The following JPH1 variants were observed in gnomAD, a reference collection of about 807,000 sequenced individuals.
JPH1 encodes the protein junctophilin-1.
Under a neutral mutation model 53.6 loss-of-function variants are expected in JPH1, and 12 were observed. That is an observed-to-expected ratio of 0.22 (90% CI 0.14 to 0.36). JPH1 has a LOEUF of 0.36. JPH1 is among the 10% of genes least tolerant of loss of function. JPH1 has a pLI of 1.00. For synonymous variants in JPH1, 375 were observed against 363.8 expected, an observed-to-expected ratio of 1.03 and a Z score of -0.35; for missense variants, 808 against 905.5, an observed-to-expected ratio of 0.89 and a Z score of 1.38.
At chr8:74,308,043 T>C (rs1010601957) in intron 2 of JPH1, among the ~76,000 whole-genome samples, 1 of 152,244 alleles carries the variant, frequency 6.6e-6, no homozygotes, top group African/African-American at 2.4e-5. Context: ...CAACTTTATG[T>C]GTTAAATTAA....
intron 4 of JPH1, among the ~76,000 whole-genome samples, chr8:74,240,803 A>G (rs137957586): frequency 6.6e-6 from 1 of 152,224 alleles, no homozygotes; most frequent in African/African-American, 2.4e-5. Flanking sequence ...CGTGCCTTCC[A>G]TGAAGCCAAC....
chr8:74,291,869 C>A (rs886282518), intron 2 of JPH1, among the ~76,000 whole-genome samples: 1 of 152,124 alleles, frequency 6.6e-6, no homozygotes, highest in Admixed American at 6.5e-5. Flanking sequence ...AGTTCATGTC[C>A]TTTGTAGGGA....
intron 3 of JPH1, among the ~76,000 whole-genome samples, chr8:74,251,820 A>T (rs1298859648): frequency 6.6e-6 from 1 of 152,202 alleles, no homozygotes; most frequent in Non-Finnish European, 1.5e-5. Context: ...GGAAAAAACT[A>T]CTTTCAAGTT....
chr8:74,251,896 G>A (rs1208785145), intron 3 of JPH1, among the ~76,000 whole-genome samples: 2 of 152,138 alleles, frequency 1.3e-5, no homozygotes, highest in African/African-American at 4.8e-5. Context: ...AAAGCTGGAG[G>A]CATCACGCTA....
chr8:74,298,151 T>C (rs1440488601), intron 2 of JPH1, among the ~76,000 whole-genome samples: 1 of 152,228 alleles, frequency 6.6e-6, no homozygotes, highest in African/African-American at 2.4e-5. Context: ...TTCAAAGTAC[T>C]GTTCTTACTT....
At chr8:74,293,116 T>A (rs937933942) in intron 2 of JPH1, among the ~76,000 whole-genome samples, 1 of 152,186 alleles carries the variant, frequency 6.6e-6, no homozygotes, top group Non-Finnish European at 1.5e-5. Context: ...TTTTCCAGAA[T>A]TTGGGTAGGA....
chr8:74,272,517 C>T (rs1011232772), intron 2 of JPH1, among the ~76,000 whole-genome samples: 3 of 151,524 alleles, frequency 2.0e-5, no homozygotes, highest in Admixed American at 1.3e-4. Context: ...ATAGTAACAA[C>T]GGCTCAAAGC....
At chr8:74,310,570 G>A (rs1488520395) in intron 2 of JPH1, among the ~76,000 whole-genome samples, 3 of 152,036 alleles carry the variant, frequency 2.0e-5, no homozygotes, top group South Asian at 2.1e-4. Flanking sequence ...TTGATCTGTC[G>A]GAATTATACA....
chr8:74,320,920 T>C lies in JPH1; in HGVS notation c.368A>G (p.Tyr123Cys). Residue 123 changes from tyrosine to cysteine, a missense_variant, in exon 1 of 6, where the codon TAC becomes TGC. Tyr to Cys is a radical substitution (Grantham distance 194). Around this residue, in one of 2 missense-constraint regions of JPH1, gnomAD observed 756 missense variants for 811.9 expected, o/e 0.93. Transcript: ENST00000342232. The surrounding 1 kb of genome is among the most constrained non-coding windows in gnomAD (Gnocchi z 4.4). ...GLQDGYGVET[Y>C]GDGGTYQGQW... ...GTTACGCCGCTCACCTCCGTCCCCG[T>C]AGGTCTCCACGCCGTACCCGTCTTG... is the stretch of plus-strand genomic sequence containing the variant. 6.4e-7 allele frequency: 1 copy of C among 1,572,568 alleles called. No individual in the cohort carries two copies. Among genetic ancestry groups the C allele is most frequent in the Non-Finnish European group, 8.6e-7 (1 of 1,159,896 alleles).
chr8:74,314,525 AC>A (rs1161265852), intron 2 of JPH1, among the ~76,000 whole-genome samples: 1 of 136,014 alleles, frequency 7.4e-6, no homozygotes, highest in Non-Finnish European at 1.6e-5. Flanking sequence ...GGTCCTTCTT[AC>A]AAAAAAAAGA....
At chr8:74,243,193 A>T (rs1392194417) in intron 4 of JPH1, among the ~76,000 whole-genome samples, 4 of 152,230 alleles carry the variant, frequency 2.6e-5, no homozygotes, top group African/African-American at 2.4e-5. Flanking sequence ...TCAAATGAGA[A>T]GTAAGCTATT....
intron 2 of JPH1, among the ~76,000 whole-genome samples, chr8:74,281,648 C>G (rs1407633218): frequency 6.6e-6 from 1 of 152,218 alleles, no homozygotes; most frequent in Non-Finnish European, 1.5e-5. Context: ...GCCTGGGGAT[C>G]ACTGTGATGT....
chr8:74,295,368 A>G (rs1807475215), intron 2 of JPH1, among the ~76,000 whole-genome samples: 1 of 152,102 alleles, frequency 6.6e-6, no homozygotes, highest in Admixed American at 6.5e-5. Context: ...ATCACCTCAT[A>G]TATTATACGC....
intron 2 of JPH1, among the ~76,000 whole-genome samples, chr8:74,314,523 T>C (rs551297262): frequency 1.5e-5 from 2 of 137,034 alleles, no homozygotes; most frequent in South Asian, 4.4e-4. Flanking sequence ...GAGGTCCTTC[T>C]TACAAAAAAA....
intron 2 of JPH1, among the ~76,000 whole-genome samples, chr8:74,265,751 A>G (rs1185786912): frequency 2.6e-5 from 4 of 152,216 alleles, no homozygotes; most frequent in Non-Finnish European, 5.9e-5. Context: ...TAGAATACAT[A>G]AAGAACTCCC....
intron 2 of JPH1, among the ~76,000 whole-genome samples, chr8:74,263,145 C>A (rs1054556270): frequency 1.3e-5 from 2 of 152,192 alleles, no homozygotes; most frequent in African/African-American, 4.8e-5. Flanking sequence ...TGAGACATCT[C>A]CAAGCTCCTT....
intron 3 of JPH1, among the ~76,000 whole-genome samples, chr8:74,250,585 A>G (rs554502102): frequency 6.6e-6 from 1 of 152,354 alleles, no homozygotes; most frequent in South Asian, 2.1e-4. Flanking sequence ...ACAAATTCAT[A>G]AACTTTTCTT....
intron 2 of JPH1, among the ~76,000 whole-genome samples, chr8:74,269,104 T>C (rs1443617738): frequency 2.6e-5 from 4 of 152,238 alleles, no homozygotes; most frequent in Non-Finnish European, 5.9e-5. Flanking sequence ...TTATCTAAAA[T>C]GGTTCTCTAG....
chr8:74,272,749 G>A (rs1456567245), intron 2 of JPH1, among the ~76,000 whole-genome samples: 3 of 152,022 alleles, frequency 2.0e-5, no homozygotes, highest in East Asian at 1.9e-4. Context: ...GACTACAGGC[G>A]CGCGCCACCA....
Sources: gnomAD v4.1 joint callset for allele counts (sites outside exome capture counted in the v4.1 genomes callset) on GRCh38, gnomAD v4.1.1 for gene constraint, gnomAD v4.1.1 regional missense constraint, Gnocchi (gnomAD v3.1) non-coding constraint, MANE v1.5 for transcripts, NCBI Gene and HGNC (gene_info 2026-07-23, HGNC 2026-07-21) for gene names.